The following SLC5A10 variants were observed in gnomAD, a reference collection of about 807,000 sequenced individuals.
The protein encoded by SLC5A10 is sodium/mannose cotransporter SLC5A10.
Under a neutral mutation model 68.9 loss-of-function variants are expected in SLC5A10, and 55 were observed. The ratio of observed to expected loss-of-function variants is 0.80; its 90% CI spans 0.64 to 1.00. The LOEUF (loss-of-function observed/expected upper bound fraction) is 1.00, where lower values mean the gene tolerates loss of function less well. Among genes scored for constraint, SLC5A10 ranks in the 50% least tolerant of loss-of-function variants. SLC5A10 has a pLI of 0.00. For synonymous variants in SLC5A10, 344 were observed against 344.8 expected, an observed-to-expected ratio of 1.00 and a Z score of 0.02; for missense variants, 732 against 819.3, an observed-to-expected ratio of 0.89 and a Z score of 1.30.
chr17:18,987,279 G>T (rs916382803), intron 9 of SLC5A10, among the ~76,000 whole-genome samples: 9 of 152,180 alleles, frequency 5.9e-5, no homozygotes, highest in Admixed American at 3.9e-4. Context: ...GTGACATGGG[G>T]TATGTGGCTC....
At chr17:19,012,716 A>G (rs1351539925) in intron 9 of SLC5A10, among the ~76,000 whole-genome samples, 1 of 152,128 alleles carries the variant, frequency 6.6e-6, no homozygotes, top group Non-Finnish European at 1.5e-5. Flanking sequence ...TAGACTGTTG[A>G]GAGGCTGAGT....
chr17:18,983,144 G>C (rs1264535491), intron 9 of SLC5A10, among the ~76,000 whole-genome samples: 1 of 152,240 alleles, frequency 6.6e-6, no homozygotes, highest in Non-Finnish European at 1.5e-5. Context: ...GGTAGGGAAA[G>C]TGACCTGCCC....
Position 19,011,516 on chromosome 17 carries a change from G to C in SLC5A10, c.983-1894G>C, listed in dbSNP as rs552376013. 2.6e-5 allele frequency among the ~76,000 whole-genome samples: 4 copies of C among 152,242 alleles called. No individual in the cohort carries two copies. The South Asian group carries it at 8.3e-4, about 32-fold the overall frequency. ...TCCCCCAGGATGCCATGGGCTGAGA[G>C]GTGGGGGTAGGGAGGAGGGTCCTGA... On this transcript the variant is annotated intron_variant, in intron 9 of 14. Coordinates refer to ENST00000395645, the MANE Select transcript of SLC5A10 (RefSeq NM_001042450.4).
Position 19,020,202 on chromosome 17 carries a change from A to AT in SLC5A10, c.1674_1675insT (p.Thr559TyrfsTer2). On this transcript the variant is annotated frameshift_variant, in exon 14 of 15. Transcript: ENST00000395645. LOFTEE classifies it low-confidence loss of function (END_TRUNC). Reference sequence around the variant, plus strand: ...CCCTGGCTCAGGATGTGCCCTTGGGAACTAAAGCAGGTAAGTGGATGACCC... The same window carrying AT: ...CCCTGGCTCAGGATGTGCCCTTGGGATACTAAAGCAGGTAAGTGGATGACCC... The AT allele has an allele frequency of 2.6e-6, 4 of 1,532,518 alleles. No homozygotes were observed. Among genetic ancestry groups the AT allele is most frequent in the Non-Finnish European group, 3.5e-6 (4 of 1,134,852 alleles). The allele number at this position is 1,532,518 out of a possible 1,614,324, so 94.9% of individuals were successfully genotyped here.
intron 9 of SLC5A10, among the ~76,000 whole-genome samples, chr17:19,011,871 G>A (rs543820020): frequency 6.6e-6 from 1 of 151,558 alleles, no homozygotes; most frequent in East Asian, 2.0e-4. Context: ...TGTGAGACCC[G>A]CCCTTCCCCA....
chr17:18,950,743 T>G, upstream of SLC5A10: 11 of 932,802 alleles, frequency 1.2e-5, no homozygotes, highest in Non-Finnish European at 1.4e-5. Flanking sequence ...TGAGATGGAG[T>G]CTCCCTCTGT....
intron 9 of SLC5A10, chr17:18,979,024 A>G (rs2043062377): frequency 1.4e-6 from 1 of 714,816 alleles, no homozygotes; most frequent in Non-Finnish European, 2.3e-6. Context: ...TCGGATGTCA[A>G]GCAAGTTGGT....
intron 8 of SLC5A10, chr17:18,976,579 G>A (rs2152007159): frequency 2.4e-6 from 1 of 421,294 alleles, no homozygotes; most frequent in Non-Finnish European, 4.3e-6. Flanking sequence ...GGGGTGGTGG[G>A]CTGGGCAGGA....
chr17:18,973,160 A>ACCCTGCCAGGCTGAGC (rs1416207850), intron 8 of SLC5A10, among the ~76,000 whole-genome samples: 1 of 152,160 alleles, frequency 6.6e-6, no homozygotes, highest in Admixed American at 6.5e-5. Context: ...GGCAAGTGGT[A>ACCCTGCCAGGCTGAGC]CCCTGCCAGG....
At chr17:19,010,048 G>A (rs1039476596) in intron 9 of SLC5A10, among the ~76,000 whole-genome samples, 1 of 152,020 alleles carries the variant, frequency 6.6e-6, no homozygotes, top group African/African-American at 2.4e-5. Flanking sequence ...GTGGCCGAGC[G>A]AGGTGGCCAT....
intron 9 of SLC5A10, among the ~76,000 whole-genome samples, chr17:18,991,926 G>A (rs1366316918): frequency 6.6e-6 from 1 of 152,136 alleles, no homozygotes. Context: ...GGTGTGGGAG[G>A]ATGGCCCAAG....
At chr17:18,959,690 T>C (rs2151993241) in intron 4 of SLC5A10, 27 bp downstream of exon 4, 1 of 1,612,046 alleles carries the variant, frequency 6.2e-7, no homozygotes, top group Non-Finnish European at 8.5e-7. Context: ...GGCCTCCAGC[T>C]GGGGGGCTGG....
upstream of SLC5A10, chr17:18,952,078 T>C: frequency 7.0e-7 from 1 of 1,435,054 alleles, no homozygotes; most frequent in Non-Finnish European, 9.2e-7. Flanking sequence ...TGCAGCCACA[T>C]CATGGGCTGG....
chr17:19,005,944 C>A (rs1284080805), intron 9 of SLC5A10, among the ~76,000 whole-genome samples: 2 of 152,210 alleles, frequency 1.3e-5, no homozygotes, highest in African/African-American at 4.8e-5. Context: ...CCTGAAGACC[C>A]ATTTATAGCC....
Position 19,018,264 on chromosome 17 carries a change from G to A in SLC5A10, c.1242-1159G>A, listed in dbSNP as rs1328247699. 1 of 152,380 alleles carries A rather than the reference G, an allele frequency of 6.6e-6. No homozygotes were observed. The highest frequency in any genetic ancestry group is 2.4e-5 in the African/African-American group (1 of 41,458). The allele number at this position is 152,380 out of a possible 1,614,324, so 9.4% of individuals were successfully genotyped here. Reference sequence around the variant, plus strand: ...CGGGTCACCCACCACCCACCTTGGGGGTGAGGAATGCCAACTGACCCAGGA... The same window carrying A: ...CGGGTCACCCACCACCCACCTTGGGAGTGAGGAATGCCAACTGACCCAGGA... On this transcript the variant is annotated intron_variant, in intron 11 of 14. Coordinates refer to ENST00000395645, the MANE Select transcript of SLC5A10 (RefSeq NM_001042450.4). This position sits in a 1 kb window ranked among gnomAD's most constrained non-coding sequence, Gnocchi z 4.2.
At chr17:18,989,514 G>A (rs1444908089) in intron 9 of SLC5A10, among the ~76,000 whole-genome samples, 5 of 152,204 alleles carry the variant, frequency 3.3e-5, no homozygotes, top group African/African-American at 9.6e-5. Context: ...TACCTGCCCT[G>A]CCTCAAACTC....
chr17:18,981,058 A>G (rs1303188779), intron 9 of SLC5A10, among the ~76,000 whole-genome samples: 1 of 152,136 alleles, frequency 6.6e-6, no homozygotes, highest in Non-Finnish European at 1.5e-5. Flanking sequence ...TCATTCACAT[A>G]GTCATCAACC....
intron 9 of SLC5A10, among the ~76,000 whole-genome samples, chr17:18,980,679 G>C (rs977412207): frequency 6.6e-6 from 1 of 152,144 alleles, no homozygotes; most frequent in Non-Finnish European, 1.5e-5. Context: ...AGGAAGGACA[G>C]GGCGAGCCTG....
intron 9 of SLC5A10, among the ~76,000 whole-genome samples, chr17:18,981,866 A>G (rs1057329229): frequency 2.6e-5 from 4 of 152,164 alleles, no homozygotes; most frequent in Admixed American, 1.3e-4. Flanking sequence ...TGTACCCAAC[A>G]TGGAGCACGC....
Sources: allele counts gnomAD v4.1 joint callset (sites outside exome capture counted in the v4.1 genomes callset), GRCh38; gene constraint gnomAD v4.1.1; non-coding constraint Gnocchi (gnomAD v3.1); transcripts MANE v1.5; gene names NCBI Gene and HGNC (gene_info 2026-07-23, HGNC 2026-07-21).